Variants in IFT88 observed in about 807,000 individuals in gnomAD.
IFT88 encodes the protein intraflagellar transport protein 88 homolog.
Under a neutral mutation model 119.5 loss-of-function variants are expected in IFT88, and 74 were observed. The observed-to-expected ratio is 0.62, with a 90% CI of 0.51 to 0.75. The LOEUF is 0.75. Ranked by LOEUF, IFT88 falls within the 30% of genes least tolerant of loss-of-function variation. The pLI, the probability that IFT88 is intolerant of heterozygous loss-of-function variation, is 0.00. For missense variants in IFT88, 961 were observed against 977.7 expected (o/e 0.98, Z 0.23); for synonymous variants, 279 against 316.7 (o/e 0.88, Z 1.26).
At chr13:20,587,125 T>C (rs1343281693) in intron 3 of IFT88, among the ~76,000 whole-genome samples, 1 of 152,226 alleles carries the variant, frequency 6.6e-6, no homozygotes, top group Non-Finnish European at 1.5e-5. Context: ...TCTGTTAATG[T>C]CCCAAATGCA....
chr13:20,581,615 T>A (rs1297558475), intron 2 of IFT88, among the ~76,000 whole-genome samples: 1 of 152,118 alleles, frequency 6.6e-6, no homozygotes, highest in African/African-American at 2.4e-5. Flanking sequence ...TGTAATCCCT[T>A]TAGGAGGCTC....
At chr13:20,638,271 C>T (rs905238225) in intron 16 of IFT88, 61 bp from the exon 17 acceptor site, 2 of 895,758 alleles carry the variant, frequency 2.2e-6, no homozygotes, top group Non-Finnish European at 3.1e-6. Flanking sequence ...TCTGTAATCT[C>T]AGAACAGTCA....
Position 20,625,743 on chromosome 13 carries a change from C to T in IFT88, c.1200-7C>T. On this transcript the variant is annotated splice_polypyrimidine_tract_variant and splice_region_variant and intron_variant, in intron 14 of 25. Transcript: ENST00000351808. ...TCAAGTAAGGTTTTTTATGCTTTCCCTTATAGGTGCGTGGAAGTGGTGAAA... is the reference window on the plus strand; with the variant it reads ...TCAAGTAAGGTTTTTTATGCTTTCCTTTATAGGTGCGTGGAAGTGGTGAAA... The T allele has an allele frequency of 6.3e-7, 1 of 1,576,968 alleles. No homozygotes were observed. Among genetic ancestry groups the T allele is most frequent in the African/African-American group, 1.4e-5 (1 of 73,116 alleles).
chr13:20,582,875 G>A lies in IFT88; in HGVS notation c.91-82G>A. The A allele has an allele frequency of 2.9e-6, 3 of 1,027,542 alleles. No homozygotes were observed. In the South Asian group the frequency reaches 4.1e-5, roughly 14 times the overall value. The allele number at this position is 1,027,542 out of a possible 1,614,324, so 63.7% of individuals were successfully genotyped here. A position where few individuals can be genotyped will look rare whatever the true frequency, so the allele number is the denominator to read the frequency against. ...CAATAGATGAGTTATAGAGGCTCTT[G>A]AGTACCAAACAGCAGTTTAAACTTA... On this transcript the variant is annotated intron_variant, in intron 2 of 25. Coordinates refer to ENST00000351808, the MANE Select transcript of IFT88 (RefSeq NM_006531.5).
chr13:20,569,151 AAG>A (rs1312903487), intron 1 of IFT88, among the ~76,000 whole-genome samples: 1 of 152,234 alleles, frequency 6.6e-6, no homozygotes, highest in Non-Finnish European at 1.5e-5. Flanking sequence ...ACCTAAATAT[AAG>A]AGCTAAAACT....
chr13:20,603,342 G>A (rs1228351452), intron 12 of IFT88, among the ~76,000 whole-genome samples: 3 of 147,722 alleles, frequency 2.0e-5, no homozygotes, highest in Non-Finnish European at 4.4e-5. Flanking sequence ...AGCCGAGATC[G>A]CACTATTCAC....
chr13:20,669,919 G>GA (rs1008216633), intron 23 of IFT88, among the ~76,000 whole-genome samples: 1 of 151,792 alleles, frequency 6.6e-6, no homozygotes, highest in Non-Finnish European at 1.5e-5. Context: ...CCTTTTAATG[G>GA]AAAAAAAATT....
chr13:20,570,816 C>A (rs1457171222), intron 1 of IFT88, among the ~76,000 whole-genome samples: 2 of 39,390 alleles, frequency 5.1e-5, no homozygotes, highest in Non-Finnish European at 1.2e-4. Flanking sequence ...ATACTAAAAA[C>A]CACTGCACCT....
intron 20 of IFT88, among the ~76,000 whole-genome samples, chr13:20,645,409 A>C (rs1156333227): frequency 2.0e-5 from 3 of 152,068 alleles, no homozygotes; most frequent in Non-Finnish European, 4.4e-5. Context: ...TTATTTTCTT[A>C]TATTTTATTC....
At chr13:20,635,287 A>G (rs2048847264) in intron 16 of IFT88, among the ~76,000 whole-genome samples, 1 of 152,148 alleles carries the variant, frequency 6.6e-6, no homozygotes, top group Admixed American at 6.5e-5. Context: ...TCACAATAGC[A>G]AGGACTTGGA....
At chr13:20,665,078 CAAA>C (rs397851417) in intron 23 of IFT88, among the ~76,000 whole-genome samples, 6 of 125,706 alleles carry the variant, frequency 4.8e-5, no homozygotes, top group African/African-American at 1.6e-4. Flanking sequence ...CACTCCGTCT[CAAA>C]AAAAAAAAAA....
intron 1 of IFT88, chr13:20,567,789 CTGT>C: frequency 7.4e-7 from 1 of 1,344,602 alleles, no homozygotes; most frequent in Non-Finnish European, 9.6e-7. Context: ...ACGTGAAGTA[CTGT>C]TGTCCCAAGA....
At chr13:20,589,930 A>G (rs2138634014) in intron 4 of IFT88, 63 bp downstream of exon 4, 1 of 926,922 alleles carries the variant, frequency 1.1e-6, no homozygotes, top group Non-Finnish European at 1.7e-6. Context: ...CACTTTAGGC[A>G]GTTCTGAATA....
chr13:20,585,223 C>T (rs1305247590), intron 3 of IFT88, among the ~76,000 whole-genome samples: 5 of 152,194 alleles, frequency 3.3e-5, no homozygotes, highest in Admixed American at 6.5e-5. Context: ...ACCACTCCCA[C>T]TTCTGACACC....
chr13:20,615,063 C>T (rs1004538393), intron 13 of IFT88, among the ~76,000 whole-genome samples: 2 of 152,120 alleles, frequency 1.3e-5, no homozygotes, highest in African/African-American at 4.8e-5. Context: ...GATCCACCTG[C>T]CTTGGCCTCC....
chr13:20,690,932 A>C, intron 25 of IFT88, 117 bp downstream of exon 25: 1 of 1,419,054 alleles, frequency 7.0e-7, no homozygotes, highest in Non-Finnish European at 9.8e-7. Context: ...TAAAATTTAA[A>C]ATGACTTGGG....
intron 25 of IFT88, 43 bp from the exon 26 acceptor site, chr13:20,691,011 T>A (rs1221669058): frequency 3.1e-6 from 5 of 1,598,902 alleles, no homozygotes; most frequent in Non-Finnish European, 4.3e-6. Context: ...ATTTGTTTTG[T>A]TTGTTTACAT....
intron 13 of IFT88, among the ~76,000 whole-genome samples, chr13:20,611,514 CAAAAAAA>C (rs56062553): frequency 2.0e-4 from 12 of 59,072 alleles, no homozygotes; most frequent in African/African-American, 4.9e-4. Flanking sequence ...GACCCAGTCT[CAAAAAAA>C]AAAAAAAAAA....
At chr13:20,641,685 G>A in intron 18 of IFT88, 1 of 224,758 alleles carries the variant, frequency 4.4e-6, no homozygotes, top group Admixed American at 5.3e-5. Context: ...GCCATTCATT[G>A]AAAGTCAATT....
Sources: allele counts gnomAD v4.1 joint callset (sites outside exome capture counted in the v4.1 genomes callset), GRCh38; gene constraint gnomAD v4.1.1; transcripts MANE v1.5; gene names NCBI Gene and HGNC (gene_info 2026-07-23, HGNC 2026-07-21).